SIN3A: variants seen among roughly 807,000 people sequenced by gnomAD.
The protein encoded by SIN3A is SIN3 transcription regulator family member A, also known as paired amphipathic helix protein Sin3a.
Under a neutral mutation model 146.1 loss-of-function variants are expected in SIN3A, and 14 were observed. The ratio of observed to expected loss-of-function variants is 0.10; its 90% CI spans 0.06 to 0.15. The LOEUF is 0.15. SIN3A is among the 10% of genes least tolerant of loss of function. The probability of loss-of-function intolerance (pLI) is 1.00; values close to 1 mark genes in which losing one functional copy is unlikely to be tolerated. For missense variants in SIN3A, 1,028 were observed against 1,576.0 expected, an observed-to-expected ratio of 0.65 and a Z score of 5.89; for synonymous variants, 572 against 572.0, an observed-to-expected ratio of 1.00 and a Z score of 0.00.
At chr15:75,413,136 G>A (rs781024038) in intron 4 of SIN3A, 91 bp from the exon 5 acceptor site, 165 of 1,273,560 alleles carry the variant, frequency 1.3e-4, no homozygotes, top group African/African-American at 1.0e-3. Flanking sequence ...CTTTTGAGAC[G>A]GAGTCTCACT....
intron 16 of SIN3A, among the ~76,000 whole-genome samples, chr15:75,386,561 G>C (rs1355692771): frequency 6.6e-6 from 1 of 152,184 alleles, no homozygotes; most frequent in East Asian, 1.9e-4. Flanking sequence ...GAAAGGTCTA[G>C]TAACACTGGG....
intron 6 of SIN3A, 124 bp downstream of exon 6, chr15:75,411,368 A>G: frequency 9.4e-7 from 1 of 1,067,212 alleles, no homozygotes; most frequent in South Asian, 1.6e-5. Context: ...AAAAACATGC[A>G]TGATAGTTTC....
Position 75,409,945 on chromosome 15 carries a change from T to A in SIN3A, c.1208A>T (p.Asp403Val). The A allele has an allele frequency of 6.2e-7, 1 of 1,614,184 alleles. No homozygotes were observed. The highest frequency in any genetic ancestry group is 8.5e-7 in the Non-Finnish European group (1 of 1,180,038). Residue 403 changes from aspartate (D) to valine (V), a missense_variant, in exon 8 of 21, where the codon GAT becomes GTT. Physicochemically the swap from Asp to Val is radical, Grantham distance 152. Transcript: ENST00000394947. Reference sequence around the variant, plus strand: ...GGGCTTCTTGACAGTGCCTCCATGATCATTTCTCACAGAATCAACCTTCTC... The same window carrying A: ...GGGCTTCTTGACAGTGCCTCCATGAACATTTCTCACAGAATCAACCTTCTC... ...TAEKVDSVRN[D>V]HGGTVKKPQL...
chr15:75,394,563 A>G (rs2073268473), intron 14 of SIN3A, 117 bp downstream of exon 14: 1 of 731,918 alleles, frequency 1.4e-6, no homozygotes, highest in Non-Finnish European at 2.2e-6. Flanking sequence ...CTATCAAGCA[A>G]GAATCAACAG....
chr15:75,390,079 T>C (rs1300376819), intron 15 of SIN3A, among the ~76,000 whole-genome samples: 1 of 152,216 alleles, frequency 6.6e-6, no homozygotes, highest in South Asian at 2.1e-4. Flanking sequence ...GATACTTCTT[T>C]ATGGTACTGC....
intron 3 of SIN3A, chr15:75,415,578 G>A (rs893143373): frequency 1.7e-5 from 3 of 180,064 alleles, no homozygotes; most frequent in Admixed American, 6.2e-5. Flanking sequence ...CAGGCTGGGC[G>A]CAGTGGCTGA....
chr15:75,389,559 A>G lies in SIN3A; in HGVS notation c.3021+93T>C, dbSNP rs923339122. The G allele has an allele frequency of 5.9e-6, 7 of 1,181,088 alleles. No individual in the cohort carries two copies. In the African/African-American group the frequency reaches 7.6e-5, roughly 13 times the overall value. 73.2% of individuals were successfully genotyped at this position (1,181,088 alleles called of 1,614,324 possible). On this transcript the variant is annotated intron_variant, in intron 16 of 20. Coordinates refer to ENST00000394947, the MANE Select transcript of SIN3A (RefSeq NM_001145358.2). ...GAACCCTACGTTCATAAACACTGTT[A>G]TATGAAAAAGTTGCCTTTCCTTTTC...
intron 1 of SIN3A, among the ~76,000 whole-genome samples, chr15:75,437,119 C>T (rs1452989677): frequency 6.6e-6 from 1 of 151,980 alleles, no homozygotes; most frequent in African/African-American, 2.4e-5. Flanking sequence ...CCATGTATGA[C>T]TGCTATCAGC....
Position 75,370,971 on chromosome 15 carries a change from A to G in SIN3A, c.*1008T>C, listed in dbSNP as rs2072740739. Reference sequence around the variant, plus strand: ...CAAGCTTTATTTATTTACAAAAAAAAAAAAAAAAAAGTTGGGGGCAAAGGG... The same window carrying G: ...CAAGCTTTATTTATTTACAAAAAAAGAAAAAAAAAAGTTGGGGGCAAAGGG... On this transcript the variant is annotated 3_prime_UTR_variant, in exon 21 of 21. Coordinates refer to ENST00000394947, the MANE Select transcript of SIN3A (RefSeq NM_001145358.2). 6.6e-6 allele frequency: 1 copy of G among 152,458 alleles called. No individual in the cohort carries two copies. The allele number at this position is 152,458 out of a possible 1,614,324, so 9.4% of individuals were successfully genotyped here.
chr15:75,403,176 A>T (rs1281540933), intron 9 of SIN3A, among the ~76,000 whole-genome samples: 1 of 151,576 alleles, frequency 6.6e-6, no homozygotes, highest in East Asian at 2.0e-4. Flanking sequence ...TAGTCCCAGC[A>T]CTTTGGGAGG....
chr15:75,376,063 A>G, intron 19 of SIN3A, 191 bp from the exon 20 acceptor site: 3 of 612,902 alleles, frequency 4.9e-6, no homozygotes. Context: ...AAAAAGCAGA[A>G]ATCTTCACCC....
intron 3 of SIN3A, among the ~76,000 whole-genome samples, chr15:75,416,410 C>T (rs953462823): frequency 3.9e-5 from 6 of 152,220 alleles, no homozygotes; most frequent in African/African-American, 1.2e-4. Flanking sequence ...ACTGTAACCT[C>T]TGCCTCCGGG....
intron 17 of SIN3A, 152 bp from the exon 18 acceptor site, chr15:75,381,857 A>T (rs913677921): frequency 3.1e-6 from 2 of 636,858 alleles, no homozygotes; most frequent in East Asian, 3.0e-5. Context: ...GTGGCCAGTG[A>T]TAAAGGCAAA....
intron 1 of SIN3A, among the ~76,000 whole-genome samples, chr15:75,443,044 C>T (rs1170513069): frequency 2.0e-5 from 3 of 151,748 alleles, no homozygotes; most frequent in Non-Finnish European, 4.4e-5. Context: ...TTTTGAAGTA[C>T]TGGGCTCAAG....
chr15:75,437,732 A>G (rs1423341110), intron 1 of SIN3A, among the ~76,000 whole-genome samples: 1 of 152,156 alleles, frequency 6.6e-6, no homozygotes, highest in Admixed American at 6.6e-5. Context: ...GTTGATCTCC[A>G]TCTGTTTCAA....
At chr15:75,436,429 C>A (rs941100962) in intron 1 of SIN3A, 6 of 152,126 alleles carry the variant, frequency 3.9e-5, no homozygotes, top group African/African-American at 1.4e-4. Context: ...TGAGATCTCG[C>A]TACTGCACTC....
chr15:75,439,093 G>A (rs2074155342), intron 1 of SIN3A, among the ~76,000 whole-genome samples: 1 of 152,170 alleles, frequency 6.6e-6, no homozygotes, highest in African/African-American at 2.4e-5. Context: ...TTCTTCTAAT[G>A]CAGTGGTCCT....
At position 75,411,665 on chromosome 15, in the gene SIN3A, G is replaced by C. The variant is rs752617475; in HGVS notation, c.835C>G (p.Pro279Ala). ...GTCACTGGTGTGTGAGGCTGGACCGGCGGAGAACGTGGGGATGCATACGGT... is the reference window on the plus strand; with the variant it reads ...GTCACTGGTGTGTGAGGCTGGACCGCCGGAGAACGTGGGGATGCATACGGT... ...LPPYASPRSPPVQPHTPVTIS... is the reference protein window; with the variant it reads ...LPPYASPRSPAVQPHTPVTIS... Residue 279 changes from proline to alanine, a missense_variant, in exon 6 of 21, where the codon CCG becomes GCG. Coordinates refer to ENST00000394947, the MANE Select transcript of SIN3A (RefSeq NM_001145358.2). The C allele has an allele frequency of 6.2e-7, 1 of 1,614,032 alleles. No homozygotes were observed. Among genetic ancestry groups the C allele is most frequent in the African/African-American group, 1.3e-5 (1 of 74,940 alleles).
intron 20 of SIN3A, among the ~76,000 whole-genome samples, chr15:75,373,586 T>C (rs919800113): frequency 2.0e-5 from 3 of 152,106 alleles, no homozygotes; most frequent in Non-Finnish European, 4.4e-5. Flanking sequence ...ACTTAACATT[T>C]TCTTTTCTCT....
Sources: gnomAD v4.1 joint callset for allele counts (sites outside exome capture counted in the v4.1 genomes callset) on GRCh38, gnomAD v4.1.1 for gene constraint, MANE v1.5 for transcripts, NCBI Gene and HGNC (gene_info 2026-07-23, HGNC 2026-07-21) for gene names.